HCRTR2: variants seen among roughly 807,000 people sequenced by gnomAD.
HCRTR2 encodes the protein hypocretin receptor 2, also known as orexin receptor type 2.
HCRTR2 carries 22 observed loss-of-function variants against 49.0 expected under a neutral mutation model. The observed-to-expected ratio is 0.45, with a 90% CI of 0.32 to 0.64. The LOEUF is 0.64. Ranked by LOEUF, HCRTR2 falls within the 30% of genes least tolerant of loss-of-function variation. HCRTR2 has a pLI of 0.04. For synonymous variants in HCRTR2, 236 were observed against 205.3 expected (o/e 1.15, Z -1.28); for missense variants, 491 against 559.4 (o/e 0.88, Z 1.23).
chr6:55,180,305 T>G (rs537498347), intron 1 of HCRTR2, among the ~76,000 whole-genome samples: 1 of 152,372 alleles, frequency 6.6e-6, no homozygotes, highest in Admixed American at 6.5e-5. Context: ...CTTATTCCAT[T>G]ACTTCATCCT....
chr6:55,227,674 C>T (rs906626783), intron 1 of HCRTR2, among the ~76,000 whole-genome samples: 1 of 152,116 alleles, frequency 6.6e-6, no homozygotes, highest in African/African-American at 2.4e-5. Context: ...TGATATGCAT[C>T]ACTAGTCTCC....
At chr6:55,159,417 C>G (rs1395659605) in intron 1 of HCRTR2, among the ~76,000 whole-genome samples, 1 of 152,066 alleles carries the variant, frequency 6.6e-6, no homozygotes, top group Non-Finnish European at 1.5e-5. Context: ...TTCCAAAAAA[C>G]AGAATACCTC....
At chr6:55,256,219 A>G (rs1766649623) in intron 3 of HCRTR2, among the ~76,000 whole-genome samples, 1 of 152,146 alleles carries the variant, frequency 6.6e-6, no homozygotes, top group African/African-American at 2.4e-5. Flanking sequence ...ATATTTAAAA[A>G]AAAACCAATC....
intron 1 of HCRTR2, among the ~76,000 whole-genome samples, chr6:55,247,601 A>G (rs1407034088): frequency 6.6e-6 from 1 of 152,124 alleles, no homozygotes; most frequent in African/African-American, 2.4e-5. Flanking sequence ...ACCCATGAAT[A>G]GATGTGATGG....
chr6:55,257,094 A>T (rs2127318511), intron 3 of HCRTR2, among the ~76,000 whole-genome samples: 1 of 152,228 alleles, frequency 6.6e-6, no homozygotes, highest in Non-Finnish European at 1.5e-5. Context: ...CACATCATGG[A>T]TACTACATTA....
chr6:55,276,974 G>C (rs1233566531), intron 4 of HCRTR2, among the ~76,000 whole-genome samples: 2 of 152,072 alleles, frequency 1.3e-5, no homozygotes, highest in Non-Finnish European at 2.9e-5. Context: ...ATCCATAACA[G>C]GTTGCTTGAC....
Position 55,132,084 on chromosome 6 carries a change from TTTAA to T in HCRTR2, c.-378+25545_-378+25548del, listed in dbSNP as rs376249317. ...AATTCTAAACATATATAGATATCCC[TTTAA>T]TTAATAAAATTAATAATCTTTGAAT... On this transcript the variant is annotated intron_variant, in intron 1 of 7. Coordinates refer to the HCRTR2 transcript ENST00000615358. 3.4e-3 allele frequency among the ~76,000 whole-genome samples: 513 copies of T among 152,012 alleles called. 3 individuals carry two copies. The highest frequency in any genetic ancestry group is 0.014 in the Middle Eastern group (4 of 294).
intron 1 of HCRTR2, among the ~76,000 whole-genome samples, chr6:55,158,147 C>A (rs947998541): frequency 2.0e-5 from 3 of 152,154 alleles, no homozygotes; most frequent in African/African-American, 7.2e-5. Context: ...TGAGTGCAGC[C>A]CACAGAGGGT....
At chr6:55,211,449 T>C (rs946581251) in intron 1 of HCRTR2, among the ~76,000 whole-genome samples, 3 of 152,174 alleles carry the variant, frequency 2.0e-5, no homozygotes, top group Admixed American at 2.0e-4. Context: ...AAAGGCATAT[T>C]CTGTAAATAT....
chr6:55,236,947 A>G (rs1209560852), intron 1 of HCRTR2, among the ~76,000 whole-genome samples: 1 of 152,166 alleles, frequency 6.6e-6, no homozygotes, highest in African/African-American at 2.4e-5. Context: ...GAATCCAATC[A>G]CAGGTATAAT....
At chr6:55,253,188 C>G (rs1766586057) in intron 2 of HCRTR2, among the ~76,000 whole-genome samples, 1 of 142,754 alleles carries the variant, frequency 7.0e-6, no homozygotes, top group African/African-American at 2.6e-5. Flanking sequence ...TGATTTACTT[C>G]ATTTAGCACA....
chr6:55,174,543 G>T lies in HCRTR2; in HGVS notation c.-45G>T. On this transcript the variant is annotated 5_prime_UTR_variant, in exon 1 of 7. Transcript: ENST00000370862. ...AATCACCAGTGCTCATGGGGCAGGC[G>T]GAGAGGAGCTTGCAGCATTGAGCGG... The T allele has an allele frequency of 6.7e-7, 1 of 1,493,980 alleles. No individual in the cohort carries two copies. Among genetic ancestry groups the T allele is most frequent in the East Asian group, 2.3e-5 (1 of 44,228 alleles). The allele number at this position is 1,493,980 out of a possible 1,614,324, so 92.5% of individuals were successfully genotyped here. A position where few individuals can be genotyped will look rare whatever the true frequency, so the allele number is the denominator to read the frequency against.
chr6:55,236,954 T>G (rs1766226291), intron 1 of HCRTR2, among the ~76,000 whole-genome samples: 1 of 152,294 alleles, frequency 6.6e-6, no homozygotes, highest in Non-Finnish European at 1.5e-5. Flanking sequence ...ATCACAGGTA[T>G]AATAGAATTT....
intron 1 of HCRTR2, among the ~76,000 whole-genome samples, chr6:55,232,466 G>T (rs898227475): frequency 3.3e-5 from 5 of 152,030 alleles, no homozygotes; most frequent in Admixed American, 6.6e-5. Context: ...AACTTTCTCC[G>T]ACATGTTGTC....
In HCRTR2 at chr6:55,248,710, G is replaced by A. The variant is rs568265545; in HGVS notation, c.295G>A (p.Ala99Thr). The A allele has an allele frequency of 5.0e-6, 8 of 1,613,426 alleles. No individual in the cohort carries two copies. The African/African-American group carries it at 1.1e-4, about 22-fold the overall frequency. The part of the protein sequence containing the change: ...TNYFIVNLSL[A>T]DVLVTITCLP... ...CTACTTCATAGTCAATCTTTCTCTG[G>A]CTGATGTGCTCGTGACCATCACCTG... The change falls in exon 2 of 7, where the codon GCT (alanine) becomes ACT (threonine). Residue 99 changes from alanine to threonine, a missense_variant. Transcript: ENST00000370862.
intron 3 of HCRTR2, among the ~76,000 whole-genome samples, chr6:55,258,601 G>A (rs1187583871): frequency 4.6e-5 from 7 of 152,212 alleles, no homozygotes; most frequent in African/African-American, 9.6e-5. Flanking sequence ...TATAAATAAT[G>A]TAAATACTTA....
chr6:55,256,755 T>C (rs1028461470), intron 3 of HCRTR2, among the ~76,000 whole-genome samples: 2 of 151,994 alleles, frequency 1.3e-5, no homozygotes, highest in Non-Finnish European at 2.9e-5. Flanking sequence ...GTGTCTTATG[T>C]CCCATTCATT....
At chr6:55,112,013 C>T (rs1581777886) in intron 1 of HCRTR2, among the ~76,000 whole-genome samples, 1 of 152,052 alleles carries the variant, frequency 6.6e-6, no homozygotes, top group African/African-American at 2.4e-5. Context: ...AAATGTGATG[C>T]ACCACATAAA....
chr6:55,242,493 T>TAG (rs1766355333), intron 1 of HCRTR2, among the ~76,000 whole-genome samples: 4 of 152,190 alleles, frequency 2.6e-5, no homozygotes, highest in Non-Finnish European at 4.4e-5. Flanking sequence ...TATTTTAATA[T>TAG]AATCAAAACT....
Sources: gnomAD v4.1 joint callset for allele counts (sites outside exome capture counted in the v4.1 genomes callset) on GRCh38, gnomAD v4.1.1 for gene constraint, MANE v1.5 for transcripts, NCBI Gene and HGNC (gene_info 2026-07-23, HGNC 2026-07-21) for gene names.